MYO18B: variants seen among roughly 807,000 people sequenced by gnomAD.
The protein encoded by MYO18B is myosin XVIIIB.
Under a neutral mutation model 273.0 loss-of-function variants are expected in MYO18B, and 204 were observed. That is an observed-to-expected ratio of 0.75 (90% CI 0.67 to 0.84). MYO18B has a LOEUF of 0.84. Ranked by LOEUF, MYO18B falls within the 40% of genes least tolerant of loss-of-function variation. The pLI, the probability that MYO18B is intolerant of heterozygous loss-of-function variation, is 0.00. For synonymous variants in MYO18B, 1,330 were observed against 1,305.7 expected (o/e 1.02, Z -0.40); for missense variants, 3,212 against 3,287.6 (o/e 0.98, Z 0.56).
chr22:25,937,954 G>T (rs1317580938), intron 34 of MYO18B, among the ~76,000 whole-genome samples: 1 of 152,146 alleles, frequency 6.6e-6, no homozygotes, highest in Non-Finnish European at 1.5e-5. Flanking sequence ...TGATCTGTGG[G>T]TGATTCCCTT....
chr22:25,787,694 T>C (rs2087460871), intron 11 of MYO18B, among the ~76,000 whole-genome samples: 1 of 152,050 alleles, frequency 6.6e-6, no homozygotes, highest in South Asian at 2.1e-4. Flanking sequence ...GAGAATGAAA[T>C]GAACAGATGC....
chr22:25,838,259 C>T (rs1192675508), intron 17 of MYO18B, among the ~76,000 whole-genome samples: 6 of 151,984 alleles, frequency 3.9e-5, no homozygotes, highest in African/African-American at 1.5e-4. Context: ...AGTGCAGTGG[C>T]GCGATCTCAG....
chr22:25,916,451 C>A (rs2092261836), intron 33 of MYO18B, among the ~76,000 whole-genome samples: 1 of 152,054 alleles, frequency 6.6e-6, no homozygotes, highest in Non-Finnish European at 1.5e-5. Context: ...AAACTGTTTT[C>A]TTTAAGATAA....
intron 12 of MYO18B, among the ~76,000 whole-genome samples, chr22:25,802,184 G>A (rs561321361): frequency 6.6e-6 from 1 of 152,198 alleles, no homozygotes; most frequent in Non-Finnish European, 1.5e-5. Flanking sequence ...TCACTAGAAT[G>A]ACTCACAGGA....
intron 12 of MYO18B, among the ~76,000 whole-genome samples, chr22:25,807,887 G>T (rs1206262195): frequency 6.6e-6 from 1 of 151,966 alleles, no homozygotes; most frequent in Non-Finnish European, 1.5e-5. Context: ...CTGAGGCTCA[G>T]TTTTCTGAGC....
chr22:25,956,892 C>T (rs2092859441), intron 39 of MYO18B, among the ~76,000 whole-genome samples: 1 of 152,216 alleles, frequency 6.6e-6, no homozygotes, highest in Non-Finnish European at 1.5e-5. Context: ...CTGTCTTTCA[C>T]AGCCGGTGTC....
intron 21 of MYO18B, among the ~76,000 whole-genome samples, chr22:25,858,774 T>C (rs2146090622): frequency 6.6e-6 from 1 of 152,314 alleles, no homozygotes; most frequent in African/African-American, 2.4e-5. Context: ...TGAGGTGTAA[T>C]GTTGACTTAC....
At chr22:25,952,909 A>G (rs894193691) in intron 38 of MYO18B, among the ~76,000 whole-genome samples, 5 of 152,244 alleles carry the variant, frequency 3.3e-5, no homozygotes, top group African/African-American at 1.2e-4. Flanking sequence ...AGACAGATGT[A>G]TGACACAGAT....
At chr22:25,867,566 T>A (rs926505097) in intron 21 of MYO18B, among the ~76,000 whole-genome samples, 5 of 152,236 alleles carry the variant, frequency 3.3e-5, no homozygotes, top group African/African-American at 1.2e-4. Flanking sequence ...TTTTGGGTAT[T>A]GAGTATAATG....
intron 11 of MYO18B, among the ~76,000 whole-genome samples, chr22:25,790,421 T>C (rs879650216): frequency 8.5e-5 from 13 of 152,222 alleles, no homozygotes; most frequent in Non-Finnish European, 1.8e-4. Context: ...CAAACCTCCG[T>C]CTAAGGAGAT....
intron 39 of MYO18B, among the ~76,000 whole-genome samples, chr22:25,990,728 A>G (rs1480510742): frequency 1.7e-5 from 1 of 59,012 alleles, no homozygotes; most frequent in East Asian, 2.5e-4. Flanking sequence ...AAAGAAAAAG[A>G]AAAAAAAAAA....
intron 1 of MYO18B, among the ~76,000 whole-genome samples, chr22:25,743,093 T>A (rs1186878877): frequency 1.3e-5 from 2 of 152,228 alleles, no homozygotes; most frequent in Admixed American, 1.3e-4. Flanking sequence ...AGGCCCGGAA[T>A]GGGGAGCCCA....
rs552314071 is a variant in MYO18B at position 25,910,779 on chromosome 22, G to T, written c.5260-167G>T. On this transcript the variant is annotated intron_variant, in intron 32 of 43. Transcript: ENST00000335473. ...TGTTGTCCAGCTCCCAAGCTTTTAGGCTCTTAAATTCTCCCACAGAGACAC... is the reference window on the plus strand; with the variant it reads ...TGTTGTCCAGCTCCCAAGCTTTTAGTCTCTTAAATTCTCCCACAGAGACAC... Among the ~76,000 whole-genome samples, 5 of 152,198 alleles carry T rather than the reference G, an allele frequency of 3.3e-5. No homozygotes were observed. The East Asian group carries it at 7.7e-4, about 24-fold the overall frequency.
intron 1 of MYO18B, among the ~76,000 whole-genome samples, chr22:25,752,561 C>T (rs949551984): frequency 3.9e-5 from 6 of 152,242 alleles, no homozygotes; most frequent in Non-Finnish European, 8.8e-5. Flanking sequence ...TCACAGCTCA[C>T]TGTAGCCTTG....
intron 39 of MYO18B, among the ~76,000 whole-genome samples, chr22:25,969,534 CAG>C (rs1459448158): frequency 2.6e-5 from 4 of 152,126 alleles, no homozygotes; most frequent in Non-Finnish European, 5.9e-5. Flanking sequence ...GCTACAACAG[CAG>C]AGAGGAGTAT....
chr22:25,754,565 G>A (rs1174622195), intron 1 of MYO18B, among the ~76,000 whole-genome samples: 3 of 152,124 alleles, frequency 2.0e-5, no homozygotes, highest in East Asian at 3.9e-4. Context: ...TCTCTCCCCA[G>A]CCTCTCTCCC....
intron 4 of MYO18B, 50 bp downstream of exon 4, chr22:25,769,478 AG>A (rs2086637297): frequency 4.2e-6 from 6 of 1,429,036 alleles, no homozygotes; most frequent in Middle Eastern, 2.5e-4. Flanking sequence ...AGGCCTCTCC[AG>A]AGATGCAGGG....
chr22:25,795,609 A>T (rs1037369200), intron 11 of MYO18B, among the ~76,000 whole-genome samples: 1 of 152,180 alleles, frequency 6.6e-6, no homozygotes, highest in Admixed American at 6.5e-5. Context: ...ATAACAGAGT[A>T]TGTTGCTAAG....
At chr22:25,978,628 G>A (rs544887185) in intron 39 of MYO18B, among the ~76,000 whole-genome samples, 4 of 152,298 alleles carry the variant, frequency 2.6e-5, no homozygotes, top group Middle Eastern at 3.4e-3. Context: ...GGAGAGTGGT[G>A]TAGATTGATG....
Sources: allele counts gnomAD v4.1 joint callset (sites outside exome capture counted in the v4.1 genomes callset), GRCh38; gene constraint gnomAD v4.1.1; transcripts MANE v1.5; gene names NCBI Gene and HGNC (gene_info 2026-07-23, HGNC 2026-07-21).